The following PAK2 variants were observed in gnomAD, a reference collection of about 807,000 sequenced individuals.
PAK2 encodes the protein p21 (RAC1) activated kinase 2, also known as serine/threonine-protein kinase PAK 2.
In PAK2, 21 loss-of-function variants were observed where a neutral mutation model predicts 65.9. That is an observed-to-expected ratio of 0.32 (90% confidence interval 0.23 to 0.46). The LOEUF (loss-of-function observed/expected upper bound fraction) is 0.46. Ranked by LOEUF, PAK2 falls within the 20% of genes least tolerant of loss-of-function variation. The pLI is 1.00. For missense variants in PAK2, 324 were observed against 642.6 expected (o/e 0.50, Z 5.36); for synonymous variants, 204 against 219.7 (o/e 0.93, Z 0.63).
Position 196,832,344 on chromosome 3 carries a change from CTGT to C in PAK2, c.*3943_*3945del, listed in dbSNP as rs1382606446. ...TAAGCAAAAGTAGTTTTTGTCTTTT[CTGT>C]TGTCTTCAAATTTTATGCCTTTTAT... On this transcript the variant is annotated 3_prime_UTR_variant, in exon 15 of 15. Transcript: ENST00000327134. 1.3e-5 allele frequency: 2 copies of C among 151,726 alleles called. No individual in the cohort carries two copies. Among genetic ancestry groups the C allele is most frequent in the African/African-American group, 4.8e-5 (2 of 41,304 alleles). The allele number at this position is 151,726 out of a possible 1,614,324, so 9.4% of individuals were successfully genotyped here.
intron 1 of PAK2, among the ~76,000 whole-genome samples, chr3:196,758,052 T>TC (rs1486701259): frequency 2.6e-5 from 4 of 152,268 alleles, no homozygotes; most frequent in African/African-American, 9.6e-5. Context: ...TCTGATGCTG[T>TC]CACAGATGAA....
At chr3:196,741,554 A>G (rs1713194075) in intron 1 of PAK2, among the ~76,000 whole-genome samples, 1 of 152,228 alleles carries the variant, frequency 6.6e-6, no homozygotes, top group East Asian at 1.9e-4. Flanking sequence ...TTATTACGGA[A>G]AGTGAACCTG....
At chr3:196,809,962 T>C (rs528437546) in intron 7 of PAK2, among the ~76,000 whole-genome samples, 1 of 152,206 alleles carries the variant, frequency 6.6e-6, no homozygotes, top group African/African-American at 2.4e-5. Flanking sequence ...CTTGTGACTT[T>C]GAACTTTCCT....
At chr3:196,818,270 G>A (rs1460412841) in intron 12 of PAK2, 114 bp downstream of exon 12, 1 of 551,696 alleles carries the variant, frequency 1.8e-6, no homozygotes, top group Non-Finnish European at 3.3e-6. Flanking sequence ...ATAGGAAGAG[G>A]TGAGACCTTT....
intron 1 of PAK2, among the ~76,000 whole-genome samples, chr3:196,764,618 C>CAA (rs746982784): frequency 1.4e-4 from 16 of 116,358 alleles, no homozygotes; most frequent in African/African-American, 3.2e-4. Flanking sequence ...GACTCTGTCT[C>CAA]AAAAAAAAAT....
At position 196,827,362 on chromosome 3, in the gene PAK2, G is replaced by A. The variant is rs749827636; in HGVS notation, c.1488+29G>A. ...AATTTAAAAATGATTTCATTTGGGGGAATAGTTGACTTTTTTGGTAACCGA... is the reference window on the plus strand; with the variant it reads ...AATTTAAAAATGATTTCATTTGGGGAAATAGTTGACTTTTTTGGTAACCGA... On this transcript the variant is annotated intron_variant, in intron 14 of 14. Coordinates refer to ENST00000327134, the MANE Select transcript of PAK2 (RefSeq NM_002577.4). 21 of 1,587,754 alleles carry A rather than the reference G, an allele frequency of 1.3e-5. 1 individual carries two copies. The Admixed American group carries it at 3.3e-4, about 25-fold the overall frequency.
At chr3:196,762,441 T>TC (rs1714010774) in intron 1 of PAK2, among the ~76,000 whole-genome samples, 1 of 145,508 alleles carries the variant, frequency 6.9e-6, no homozygotes, top group Admixed American at 6.9e-5. Context: ...CCGTCTGCAA[T>TC]CCCGGCACCT....
At chr3:196,790,736 C>G (rs914122949) in intron 2 of PAK2, among the ~76,000 whole-genome samples, 2 of 152,200 alleles carry the variant, frequency 1.3e-5, no homozygotes, top group Non-Finnish European at 2.9e-5. Context: ...TAAAGCGTTG[C>G]AACCATCGGC....
chr3:196,757,868 T>TA (rs1713821920), intron 1 of PAK2, among the ~76,000 whole-genome samples: 1 of 152,188 alleles, frequency 6.6e-6, no homozygotes, highest in Non-Finnish European at 1.5e-5. Context: ...ATCTTGAACA[T>TA]ACGGTGCTTA....
At chr3:196,812,685 A>G in intron 9 of PAK2, 54 bp from the exon 10 acceptor site, 5 of 814,436 alleles carry the variant, frequency 6.1e-6, no homozygotes, top group South Asian at 4.5e-5. Flanking sequence ...GGGGTTTGTA[A>G]TTTTCTAAGA....
chr3:196,775,530 C>A (rs905212172), intron 1 of PAK2, among the ~76,000 whole-genome samples: 2 of 151,986 alleles, frequency 1.3e-5, no homozygotes, highest in African/African-American at 4.8e-5. Context: ...CTACAGGCGC[C>A]CACCACCACA....
intron 1 of PAK2, among the ~76,000 whole-genome samples, chr3:196,770,284 G>T (rs1714320281): frequency 6.6e-6 from 1 of 151,856 alleles, no homozygotes. Context: ...TACAGTATTT[G>T]TCCTTTTGTG....
intron 13 of PAK2, among the ~76,000 whole-genome samples, chr3:196,824,256 A>G (rs1445729042): frequency 6.6e-6 from 1 of 152,208 alleles, no homozygotes; most frequent in African/African-American, 2.4e-5. Context: ...CAGTCATTCA[A>G]ATACAACAAG....
chr3:196,809,772 G>C (rs1422314094), intron 7 of PAK2, among the ~76,000 whole-genome samples: 2 of 151,688 alleles, frequency 1.3e-5, no homozygotes, highest in Non-Finnish European at 2.9e-5. Context: ...TATTGATCCT[G>C]TTTCTTTGCT....
intron 5 of PAK2, among the ~76,000 whole-genome samples, chr3:196,805,923 T>G (rs1715569969): frequency 6.6e-6 from 1 of 151,242 alleles, no homozygotes; most frequent in African/African-American, 2.4e-5. Context: ...TTATTTTTAT[T>G]TTTTTTGAGT....
chr3:196,764,630 A>C (rs1283785602), intron 1 of PAK2, among the ~76,000 whole-genome samples: 1 of 121,574 alleles, frequency 8.2e-6, no homozygotes, highest in Admixed American at 8.4e-5. Context: ...AAAAAAAATA[A>C]ATAAATAAAT....
At chr3:196,808,542 A>G (rs1345974454) in intron 7 of PAK2, among the ~76,000 whole-genome samples, 1 of 119,248 alleles carries the variant, frequency 8.4e-6, no homozygotes, top group African/African-American at 3.3e-5. Flanking sequence ...GCCTGGCAAC[A>G]GTGAGACTCC....
At chr3:196,781,696 G>C (rs1224010493) in intron 1 of PAK2, among the ~76,000 whole-genome samples, 1 of 152,242 alleles carries the variant, frequency 6.6e-6, no homozygotes, top group African/African-American at 2.4e-5. Context: ...GGCCAGGCGT[G>C]GGGGCTCACG....
chr3:196,828,933 A>G lies in PAK2; in HGVS notation c.*528A>G, dbSNP rs1354404800. The G allele has an allele frequency of 6.5e-6, 1 of 152,956 alleles. No homozygotes were observed. The highest frequency in any genetic ancestry group is 6.5e-5 in the Admixed American group (1 of 15,280). The allele number at this position is 152,956 out of a possible 1,614,324, so 9.5% of individuals were successfully genotyped here. The stretch of plus-strand genomic sequence containing the variant: ...TTATGTTGGCAAAGGAGCTCTATAT[A>G]GTTTCACTTTGTATAAAAGTTAGGA... On this transcript the variant is annotated 3_prime_UTR_variant, in exon 15 of 15. Transcript: ENST00000327134.
Sources: gnomAD v4.1 joint callset for allele counts (sites outside exome capture counted in the v4.1 genomes callset) on GRCh38, gnomAD v4.1.1 for gene constraint, MANE v1.5 for transcripts, NCBI Gene and HGNC (gene_info 2026-07-23, HGNC 2026-07-21) for gene names.